CDH13: variants seen among roughly 807,000 people sequenced by gnomAD.
CDH13 encodes the protein cadherin-13.
Under a neutral mutation model 63.8 loss-of-function variants are expected in CDH13, and 24 were observed. That is an observed-to-expected ratio of 0.38 (90% CI 0.27 to 0.53). CDH13 has a LOEUF of 0.53. CDH13 is among the 20% of genes least tolerant of loss of function. The probability of loss-of-function intolerance (pLI) is 0.85; values close to 1 mark genes in which losing one functional copy is unlikely to be tolerated. For synonymous variants in CDH13, 503 were observed against 355.3 expected (o/e 1.42, Z -4.67); for missense variants, 1,049 against 903.1 (o/e 1.16, Z -2.07).
At chr16:82,843,926 A>G (rs1002284939) in intron 1 of CDH13, among the ~76,000 whole-genome samples, 4 of 152,224 alleles carry the variant, frequency 2.6e-5, no homozygotes, top group Non-Finnish European at 4.4e-5. Flanking sequence ...TCACAGGTAA[A>G]TATTGCCAGG....
chr16:83,541,670 C>T (rs1363856950), intron 7 of CDH13, among the ~76,000 whole-genome samples: 2 of 152,198 alleles, frequency 1.3e-5, no homozygotes, highest in African/African-American at 2.4e-5. Flanking sequence ...GGACCTGAAT[C>T]CCTGACTCCC....
chr16:83,665,451 G>A (rs761258583), intron 8 of CDH13, among the ~76,000 whole-genome samples: 3 of 152,012 alleles, frequency 2.0e-5, no homozygotes, highest in Non-Finnish European at 4.4e-5. Flanking sequence ...TTAGACTATT[G>A]GGAAGAGCCT....
At chr16:83,483,788 G>A (rs950426955) in intron 6 of CDH13, among the ~76,000 whole-genome samples, 3 of 152,092 alleles carry the variant, frequency 2.0e-5, no homozygotes, top group African/African-American at 7.2e-5. Context: ...CCTTAAGTTT[G>A]CCTAGATCAG....
chr16:83,531,969 T>G (rs537391562), intron 7 of CDH13, among the ~76,000 whole-genome samples: 8 of 152,168 alleles, frequency 5.3e-5, no homozygotes, highest in Non-Finnish European at 1.2e-4. Flanking sequence ...ACAATTCCCA[T>G]GTGTTATGGG....
intron 3 of CDH13, among the ~76,000 whole-genome samples, chr16:83,048,711 G>A (rs1179031370): frequency 6.6e-6 from 1 of 151,952 alleles, no homozygotes; most frequent in Non-Finnish European, 1.5e-5. Context: ...CCCTTCACTT[G>A]TACCCTTGAA....
chr16:83,128,356 C>G lies in CDH13; in HGVS notation c.483+2855C>G, dbSNP rs114348977. Among the ~76,000 whole-genome samples the G allele has an allele frequency of 6.3e-3, 960 of 152,296 alleles. 14 individuals are homozygous for G. The highest frequency in any genetic ancestry group is 0.022 in the African/African-American group (922 of 41,560). On this transcript the variant is annotated intron_variant, in intron 4 of 13. Coordinates refer to ENST00000567109, the MANE Select transcript of CDH13 (RefSeq NM_001257.5). Reference sequence around the variant, plus strand: ...AAATGCATATTTTCATGTCCCACCCCAAAACCACTGAGCCAAAAACTCTGG... The same window carrying G: ...AAATGCATATTTTCATGTCCCACCCGAAAACCACTGAGCCAAAAACTCTGG...
intron 5 of CDH13, among the ~76,000 whole-genome samples, chr16:83,231,619 T>G (rs967825423): frequency 6.6e-6 from 1 of 152,178 alleles, no homozygotes; most frequent in Non-Finnish European, 1.5e-5. Context: ...CACTCCATTT[T>G]CACCCACTCA....
chr16:83,728,342 C>CGTGTGCGTGTGTGTGT (rs1555521384), intron 10 of CDH13, among the ~76,000 whole-genome samples: 12 of 149,322 alleles, frequency 8.0e-5, no homozygotes, highest in Admixed American at 2.7e-4. Flanking sequence ...TATGTGTGTG[C>CGTGTGCGTGTGTGTGT]GTGTGTGTGT....
At chr16:82,957,693 A>G (rs1191827389) in intron 2 of CDH13, among the ~76,000 whole-genome samples, 3 of 152,198 alleles carry the variant, frequency 2.0e-5, no homozygotes, top group African/African-American at 7.2e-5. Context: ...GATATTTACA[A>G]ATTCCCTAAG....
chr16:83,391,372 A>G (rs1005910275), intron 6 of CDH13, among the ~76,000 whole-genome samples: 4 of 151,736 alleles, frequency 2.6e-5, no homozygotes, highest in Non-Finnish European at 4.4e-5. Context: ...CACCCAGCTA[A>G]TTTTTGTATT....
chr16:83,700,319 G>A (rs192741542), intron 10 of CDH13, among the ~76,000 whole-genome samples: 63 of 152,288 alleles, frequency 4.1e-4, no homozygotes, highest in African/African-American at 1.5e-3. Context: ...TCCCCACCTC[G>A]AAAGAACTTC....
At chr16:83,160,357 C>T (rs913269773) in intron 4 of CDH13, among the ~76,000 whole-genome samples, 3 of 151,762 alleles carry the variant, frequency 2.0e-5, no homozygotes, top group South Asian at 4.2e-4. Context: ...TTAAAAAAAC[C>T]GTAAAAAAAT....
chr16:82,758,234 G>A lies in CDH13; in HGVS notation c.46-100128G>A, dbSNP rs191377230. Reference sequence around the variant, plus strand: ...GTTCTTTGAGCTATGAGAAAAAAAAGGGACACGGGCTATGTTGAAGTAACA... The same window carrying A: ...GTTCTTTGAGCTATGAGAAAAAAAAAGGACACGGGCTATGTTGAAGTAACA... On this transcript the variant is annotated intron_variant, in intron 1 of 13. Transcript: ENST00000567109. Among the ~76,000 whole-genome samples the A allele has an allele frequency of 9.5e-3, 1,442 of 152,248 alleles. 18 individuals are homozygous for A. Among genetic ancestry groups the A allele is most frequent in the African/African-American group, 0.033 (1,355 of 41,524 alleles).
chr16:82,774,949 C>T (rs183440295), intron 1 of CDH13, among the ~76,000 whole-genome samples: 1 of 152,316 alleles, frequency 6.6e-6, no homozygotes. Context: ...AATGCTTTGA[C>T]TTGGAAATAA....
chr16:83,286,237 G>A (rs74031968), intron 5 of CDH13, among the ~76,000 whole-genome samples: 1,673 of 152,208 alleles, frequency 0.011, 29 homozygotes, highest in African/African-American at 0.039. Context: ...TCAGCCCCAG[G>A]CAGACCTCTC....
intron 7 of CDH13, among the ~76,000 whole-genome samples, chr16:83,588,796 A>G (rs1333605868): frequency 6.6e-6 from 1 of 152,220 alleles, no homozygotes; most frequent in African/African-American, 2.4e-5. Flanking sequence ...GAAATGACAG[A>G]GGATGTCATC....
chr16:83,296,820 T>C (rs2089610120), intron 5 of CDH13, among the ~76,000 whole-genome samples: 1 of 152,230 alleles, frequency 6.6e-6, no homozygotes, highest in African/African-American at 2.4e-5. Flanking sequence ...GTTTATGTAA[T>C]GTACATGGGT....
At chr16:82,679,769 C>G (rs75743229) in intron 1 of CDH13, among the ~76,000 whole-genome samples, 8 of 152,144 alleles carry the variant, frequency 5.3e-5, no homozygotes, top group Non-Finnish European at 8.8e-5. Context: ...TCATCTGTTA[C>G]CTGTGTAACT....
chr16:83,552,331 C>G (rs2075520004), intron 7 of CDH13, among the ~76,000 whole-genome samples: 2 of 152,180 alleles, frequency 1.3e-5, no homozygotes, highest in Admixed American at 1.3e-4. Context: ...AAGCCATTAT[C>G]TTACCAGGAA....
Sources: gnomAD v4.1 joint callset for allele counts (sites outside exome capture counted in the v4.1 genomes callset) on GRCh38, gnomAD v4.1.1 for gene constraint, MANE v1.5 for transcripts, NCBI Gene and HGNC (gene_info 2026-07-23, HGNC 2026-07-21) for gene names.